The following MRPL54 variants were observed in gnomAD, a reference collection of about 807,000 sequenced individuals.
MRPL54 encodes the protein large ribosomal subunit protein mL54.
Under a neutral mutation model 15.6 loss-of-function variants are expected in MRPL54, and 12 were observed. That is an observed-to-expected ratio of 0.77 (90% confidence interval 0.49 to 1.24). MRPL54 has a LOEUF of 1.24. MRPL54 is among the 50% of genes most tolerant of loss of function. The pLI is 0.00. For missense variants in MRPL54, 178 were observed against 186.8 expected, an observed-to-expected ratio of 0.95 and a Z score of 0.28; for synonymous variants, 91 against 75.7, an observed-to-expected ratio of 1.20 and a Z score of -1.05.
At position 3,763,350 on chromosome 19, in the gene MRPL54, G is replaced by A. The variant is rs567776651; in HGVS notation, c.118+532G>A. ...GAAAGGGGGAAATTGTCCAATGTTC[G>A]GCCTTAAAGACAGACACATAGCAGA... On this transcript the variant is annotated intron_variant, in intron 1 of 2. Coordinates refer to ENST00000330133, the MANE Select transcript of MRPL54 (RefSeq NM_172251.3). 3.9e-5 allele frequency among the ~76,000 whole-genome samples: 6 copies of A among 152,256 alleles called. No homozygotes were observed. In the East Asian group the frequency reaches 1.2e-3, roughly 29 times the overall value.
At chr19:3,766,941 C>G (rs566601038) in intron 2 of MRPL54, among the ~76,000 whole-genome samples, 6 of 152,274 alleles carry the variant, frequency 3.9e-5, no homozygotes, top group African/African-American at 1.4e-4. Flanking sequence ...CTGCTGTGGC[C>G]CCAAGCTGAT....
intron 2 of MRPL54, 36 bp downstream of exon 2, chr19:3,765,367 A>G: frequency 1.2e-6 from 2 of 1,606,384 alleles, no homozygotes; most frequent in Non-Finnish European, 1.7e-6. Context: ...TGCAATGACT[A>G]TTCCTTCCTC....
At chr19:3,763,443 A>T (rs2037169892) in intron 1 of MRPL54, among the ~76,000 whole-genome samples, 1 of 152,044 alleles carries the variant, frequency 6.6e-6, no homozygotes. Context: ...TCCAAATCCC[A>T]CTTAAAGTTA....
chr19:3,766,977 G>A (rs2037203981), intron 2 of MRPL54, among the ~76,000 whole-genome samples: 1 of 152,196 alleles, frequency 6.6e-6, no homozygotes, highest in Admixed American at 6.5e-5. Context: ...GGTCAGGAAG[G>A]CTGAGCAAGT....
chr19:3,763,430 A>G (rs973529174), intron 1 of MRPL54, among the ~76,000 whole-genome samples: 1 of 152,128 alleles, frequency 6.6e-6, no homozygotes, highest in African/African-American at 2.4e-5. Flanking sequence ...ACTTAATGCT[A>G]TGTCCAAATC....
At chr19:3,764,509 G>A (rs1278765426) in intron 1 of MRPL54, among the ~76,000 whole-genome samples, 3 of 151,908 alleles carry the variant, frequency 2.0e-5, no homozygotes, top group African/African-American at 4.8e-5. Context: ...CCGGGTTCAA[G>A]TGATTCTCCT....
At chr19:3,764,800 G>A (rs1271967127) in intron 1 of MRPL54, among the ~76,000 whole-genome samples, 1 of 151,816 alleles carries the variant, frequency 6.6e-6, no homozygotes, top group East Asian at 2.0e-4. Context: ...AGGCCAAGGT[G>A]GGCAGATCAC....
intron 2 of MRPL54, 76 bp downstream of exon 2, chr19:3,765,407 C>G: frequency 1.3e-6 from 2 of 1,524,654 alleles, no homozygotes; most frequent in South Asian, 1.2e-5. Flanking sequence ...CCCGGAGAGG[C>G]GGATCGCCAC....
At chr19:3,766,272 T>C (rs1390780447) in intron 2 of MRPL54, among the ~76,000 whole-genome samples, 1 of 152,114 alleles carries the variant, frequency 6.6e-6, no homozygotes, top group African/African-American at 2.4e-5. Flanking sequence ...GAGACAGGGT[T>C]TCACCATGTT....
intron 2 of MRPL54, 107 bp downstream of exon 2, chr19:3,765,438 C>A: frequency 8.2e-7 from 1 of 1,225,956 alleles, no homozygotes; most frequent in Non-Finnish European, 1.1e-6. Context: ...GCCTAATAGT[C>A]ACACCTACCC....
chr19:3,766,055 G>A (rs1299772990), intron 2 of MRPL54, among the ~76,000 whole-genome samples: 1 of 151,572 alleles, frequency 6.6e-6, no homozygotes, highest in Non-Finnish European at 1.5e-5. Context: ...GGGATTACAG[G>A]CATGCGCCAC....
At chr19:3,764,985 G>A (rs2037184357) in intron 1 of MRPL54, among the ~76,000 whole-genome samples, 181 bp from the exon 2 acceptor site, 2 of 150,706 alleles carry the variant, frequency 1.3e-5, no homozygotes, top group African/African-American at 4.9e-5. Context: ...CTGAGACTGC[G>A]CCACTGCACT....
chr19:3,766,836 G>A (rs983049571), intron 2 of MRPL54, among the ~76,000 whole-genome samples: 2 of 152,226 alleles, frequency 1.3e-5, no homozygotes, highest in Admixed American at 6.5e-5. Context: ...TGGTGTGCTG[G>A]AGGAACAGCG....
chr19:3,764,828 A>C (rs1388480961), intron 1 of MRPL54, among the ~76,000 whole-genome samples: 2 of 151,764 alleles, frequency 1.3e-5, no homozygotes, highest in East Asian at 2.0e-4. Flanking sequence ...GGAGATCGAG[A>C]CCATCCTGGC....
At chr19:3,766,591 C>A (rs2037200201) in intron 2 of MRPL54, among the ~76,000 whole-genome samples, 1 of 152,252 alleles carries the variant, frequency 6.6e-6, no homozygotes, top group Non-Finnish European at 1.5e-5. Flanking sequence ...TCAAAACAGA[C>A]ACAAGTCCCC....
At chr19:3,766,358 C>T (rs530010151) in intron 2 of MRPL54, among the ~76,000 whole-genome samples, 9 of 152,240 alleles carry the variant, frequency 5.9e-5, no homozygotes, top group African/African-American at 1.9e-4. Context: ...GGATTACAGG[C>T]GTGAGCCACC....
chr19:3,766,951 T>C (rs1454381187), intron 2 of MRPL54, among the ~76,000 whole-genome samples: 1 of 151,978 alleles, frequency 6.6e-6, no homozygotes, highest in Non-Finnish European at 1.5e-5. Context: ...CCCAAGCTGA[T>C]CTGAAGGCTG....
Position 3,762,709 on chromosome 19 carries a change from C to T in MRPL54, c.9C>T (p.Thr3=), listed in dbSNP as rs773380885. 1.2e-6 allele frequency: 2 copies of T among 1,611,350 alleles called. No individual in the cohort carries two copies. Among genetic ancestry groups the T allele is most frequent in the Non-Finnish European group, 1.7e-6 (2 of 1,178,932 alleles). MA[T]KRLFGATRTW... is the part of the protein sequence containing the mutation. ...GCTGCCCGCAATACGTCATGGCGACCAAACGCCTTTTCGGGGCTACCCGGA... is the reference window on the plus strand; with the variant it reads ...GCTGCCCGCAATACGTCATGGCGACTAAACGCCTTTTCGGGGCTACCCGGA... Residue 3 remains threonine (T), a synonymous_variant, in exon 1 of 3, where the codon ACC becomes ACT. Coordinates refer to ENST00000330133, the MANE Select transcript of MRPL54 (RefSeq NM_172251.3).
At position 3,765,291 on chromosome 19, in the gene MRPL54, C is replaced by A. The variant is rs1484222963; in HGVS notation, c.244C>A (p.Gln82Lys). Residue 82 changes from glutamine (Q) to lysine (K), a missense_variant, in exon 2 of 3, where the codon CAG becomes AAG. Transcript: ENST00000330133. ...GGGCGTCAACATCTACAAGGAAGGG[C>A]AGGATGTACCCCTGAAACCGGATGC... The part of the protein sequence containing the change: ...AMGVNIYKEG[Q>K]DVPLKPDAEY... 1.9e-6 allele frequency: 3 copies of A among 1,613,884 alleles called. No homozygotes were observed. The South Asian group carries it at 3.3e-5, about 18-fold the overall frequency.
Sources: allele counts gnomAD v4.1 joint callset (sites outside exome capture counted in the v4.1 genomes callset), GRCh38; gene constraint gnomAD v4.1.1; transcripts MANE v1.5; gene names NCBI Gene and HGNC (gene_info 2026-07-23, HGNC 2026-07-21).